The following PBX1 variants were observed in gnomAD, a reference collection of about 807,000 sequenced individuals.
PBX1 encodes the protein pre-B-cell leukemia transcription factor 1.
Under a neutral mutation model 53.4 loss-of-function variants are expected in PBX1, and 6 were observed. The observed-to-expected ratio is 0.11, with a 90% CI of 0.06 to 0.22. PBX1 has a LOEUF of 0.22. Among genes scored for constraint, PBX1 ranks in the 10% least tolerant of loss-of-function variants. PBX1 has a pLI of 1.00. For synonymous variants in PBX1, 204 were observed against 212.3 expected (o/e 0.96, Z 0.34); for missense variants, 251 against 551.4 (o/e 0.46, Z 5.46).
At chr1:164,830,947 C>T (rs573058506) in intron 8 of PBX1, among the ~76,000 whole-genome samples, 2 of 152,280 alleles carry the variant, frequency 1.3e-5, no homozygotes, top group Admixed American at 1.3e-4. Context: ...AAGCTCTGCT[C>T]TAGTGTGTAA....
chr1:164,833,845 C>G (rs1336955641), intron 8 of PBX1, among the ~76,000 whole-genome samples: 1 of 149,444 alleles, frequency 6.7e-6, no homozygotes, highest in East Asian at 1.9e-4. Context: ...TTTTGTGTTT[C>G]TATTATCCAG....
chr1:164,799,594 A>C, intron 3 of PBX1, 105 bp from the exon 4 acceptor site: 1 of 984,860 alleles, frequency 1.0e-6, no homozygotes, highest in South Asian at 2.5e-5. Flanking sequence ...AGTTTTCTTT[A>C]TTTGCACAAG....
intron 2 of PBX1, among the ~76,000 whole-genome samples, chr1:164,694,112 T>A (rs1432910092): frequency 6.6e-6 from 1 of 152,088 alleles, no homozygotes; most frequent in Non-Finnish European, 1.5e-5. Flanking sequence ...TTTGCTGAAG[T>A]CAGATTTCTG....
intron 2 of PBX1, among the ~76,000 whole-genome samples, chr1:164,576,571 G>A (rs1487968385): frequency 3.3e-5 from 5 of 152,220 alleles, no homozygotes; most frequent in Non-Finnish European, 7.3e-5. Flanking sequence ...CCCAAGCGGG[G>A]CTTGCTGTGT....
At position 164,848,531 on chromosome 1, in the gene PBX1, T is replaced by A. The variant is rs1340492498; in HGVS notation, c.*1855T>A. 8.5e-6 allele frequency: 9 copies of A among 1,059,538 alleles called. No homozygotes were observed. Among genetic ancestry groups the A allele is most frequent in the Non-Finnish European group, 2.3e-6 (2 of 875,714 alleles). The allele number at this position is 1,059,538 out of a possible 1,614,324, so 65.6% of individuals were successfully genotyped here. On this transcript the variant is annotated 3_prime_UTR_variant, in exon 9 of 9. Coordinates refer to ENST00000420696, the MANE Select transcript of PBX1 (RefSeq NM_002585.4). The stretch of plus-strand genomic sequence containing the variant: ...TGGTTTTCTTGTTGTAACTTCTGGT[T>A]AATATCAGTACCTTGATGTCATCAC...
At chr1:164,585,846 C>T (rs1335593661) in intron 2 of PBX1, among the ~76,000 whole-genome samples, 6 of 152,166 alleles carry the variant, frequency 3.9e-5, no homozygotes, top group Non-Finnish European at 7.4e-5. Context: ...ATGGGAAGTC[C>T]TTTCTTAAAC....
In PBX1 at chr1:164,875,770, G is replaced by A. The variant is rs1329832163; in HGVS notation, n.258-23418G>A. 3.3e-5 allele frequency among the ~76,000 whole-genome samples: 5 copies of A among 152,012 alleles called. No individual in the cohort carries two copies. The East Asian group carries it at 9.7e-4, about 29-fold the overall frequency. ...AACCAGCCCTTTCTTAAAGGGATAT[G>A]TGAAGGGCACATTTGCATGATTTTC... On this transcript the variant is annotated intron_variant and non_coding_transcript_variant, in intron 2 of 2. Transcript: ENST00000558796.
At chr1:164,628,704 C>T (rs981168973) in intron 2 of PBX1, among the ~76,000 whole-genome samples, 1 of 152,022 alleles carries the variant, frequency 6.6e-6, no homozygotes, top group Non-Finnish European at 1.5e-5. Context: ...TGTGGAGGTC[C>T]TTTATATCTG....
Position 164,799,879 on chromosome 1 carries a change from C to A in PBX1, c.691C>A (p.Leu231Met). 1 of 1,611,568 alleles carries A rather than the reference C, an allele frequency of 6.2e-7. No homozygotes were observed. Among genetic ancestry groups the A allele is most frequent in the Non-Finnish European group, 8.5e-7 (1 of 1,178,302 alleles). Residue 231 changes from leucine (L) to methionine (M), a missense_variant, in exon 4 of 9, where the codon CTG becomes ATG. Transcript: ENST00000420696. ...GGTGATGATCCTGCGTTCCCGATTT[C>A]TGGATGCGCGGTGAGTCTCCCATGG... The part of the protein sequence containing the change: ...EAVMILRSRF[L>M]DARRKRRNFN...
At chr1:164,768,867 G>A (rs1197311835) in intron 2 of PBX1, among the ~76,000 whole-genome samples, 4 of 152,170 alleles carry the variant, frequency 2.6e-5, no homozygotes, top group East Asian at 1.9e-4. Flanking sequence ...CAGCCTGGGC[G>A]ATATGGTGAA....
At chr1:164,611,470 C>T (rs1656922732) in intron 2 of PBX1, among the ~76,000 whole-genome samples, 1 of 152,080 alleles carries the variant, frequency 6.6e-6, no homozygotes, top group Admixed American at 6.6e-5. Flanking sequence ...GATCTCCTGA[C>T]CTCGTGATCC....
chr1:164,745,875 T>TA (rs997417226), intron 2 of PBX1, among the ~76,000 whole-genome samples: 36 of 152,262 alleles, frequency 2.4e-4, no homozygotes, highest in African/African-American at 8.7e-4. Flanking sequence ...ATTCTCCAAA[T>TA]ACTCTTCCCA....
intron 2 of PBX1, among the ~76,000 whole-genome samples, chr1:164,727,365 AC>A: frequency 6.6e-6 from 1 of 152,238 alleles, no homozygotes; most frequent in Non-Finnish European, 1.5e-5. Flanking sequence ...CATTAATAAA[AC>A]TAAATCAGGT....
rs542316731 is a variant in PBX1 at position 164,821,463 on chromosome 1, C to T, written c.1111-74C>T. ...TATGGCATGCCCAAATGGTGGCCTG[C>T]CTGATGATGATCTGCCTCCCTTTTC... On this transcript the variant is annotated intron_variant, in intron 7 of 8. Transcript: ENST00000420696. 156 of 1,123,028 alleles carry T rather than the reference C, an allele frequency of 1.4e-4. No homozygotes were observed. The African/African-American group carries it at 2.2e-3, about 16-fold the overall frequency. The allele number at this position is 1,123,028 out of a possible 1,614,324, so 69.6% of individuals were successfully genotyped here.
downstream of PBX1, chr1:164,854,295 C>T (rs1454947163): frequency 6.6e-6 from 1 of 152,026 alleles, no homozygotes; most frequent in Non-Finnish European, 1.5e-5. Flanking sequence ...TTCCTTTGTT[C>T]CTTCTCCACT....
chr1:164,653,604 C>T (rs1659970396), intron 2 of PBX1, among the ~76,000 whole-genome samples: 1 of 152,072 alleles, frequency 6.6e-6, no homozygotes, highest in Admixed American at 6.5e-5. Context: ...GAAACCCCGT[C>T]TACTAAAAAA....
intron 2 of PBX1, among the ~76,000 whole-genome samples, chr1:164,752,612 A>G (rs1454322473): frequency 6.6e-6 from 1 of 152,216 alleles, no homozygotes; most frequent in Non-Finnish European, 1.5e-5. Context: ...TTAGGGGAAT[A>G]AAGTGATCTT....
intron 3 of PBX1, among the ~76,000 whole-genome samples, 176 bp downstream of exon 3, chr1:164,792,914 G>C (rs1372414012): frequency 6.6e-6 from 1 of 152,124 alleles, no homozygotes; most frequent in Non-Finnish European, 1.5e-5. Flanking sequence ...GCCAAGTCCT[G>C]GTCTCAACTG....
At chr1:164,837,803 TG>T (rs1671112605) in intron 8 of PBX1, among the ~76,000 whole-genome samples, 1 of 152,240 alleles carries the variant, frequency 6.6e-6, no homozygotes, top group African/African-American at 2.4e-5. Flanking sequence ...GAACACGTTA[TG>T]TGTAACTGTC....
Sources: allele counts gnomAD v4.1 joint callset (sites outside exome capture counted in the v4.1 genomes callset), GRCh38; gene constraint gnomAD v4.1.1; transcripts MANE v1.5; gene names NCBI Gene and HGNC (gene_info 2026-07-23, HGNC 2026-07-21).